The following TIAM1 variants were observed in gnomAD, a reference collection of about 807,000 sequenced individuals.
TIAM1 encodes the protein TIAM Rac1 associated GEF 1.
Under a neutral mutation model 163.5 loss-of-function variants are expected in TIAM1, and 65 were observed. The observed-to-expected ratio is 0.40, with a 90% CI of 0.33 to 0.49. The LOEUF (loss-of-function observed/expected upper bound fraction) is 0.49. Ranked by LOEUF, TIAM1 falls within the 20% of genes least tolerant of loss-of-function variation. The probability of loss-of-function intolerance (pLI) is 0.77; values close to 1 mark genes in which losing one functional copy is unlikely to be tolerated. For missense variants in TIAM1, 1,789 were observed against 2,044.7 expected, an observed-to-expected ratio of 0.87 and a Z score of 2.41; for synonymous variants, 833 against 810.1, an observed-to-expected ratio of 1.03 and a Z score of -0.48.
Position 31,210,664 on chromosome 21 carries a change from A to G in TIAM1, c.2218-449T>C, listed in dbSNP as rs1431027458. On this transcript the variant is annotated intron_variant, in intron 10 of 27. Coordinates refer to ENST00000541036, the MANE Select transcript of TIAM1 (RefSeq NM_001353694.2). Reference sequence around the variant, plus strand: ...AAGAAAGAAAGAAAGAAAGAAAGAAAGAAAAAGAAAGAAAGAAAGAAAAAG... The same window carrying G: ...AAGAAAGAAAGAAAGAAAGAAAGAAGGAAAAAGAAAGAAAGAAAGAAAAAG... 5.5e-3 allele frequency among the ~76,000 whole-genome samples: 108 copies of G among 19,704 alleles called. 1 individual carries two copies. The highest frequency in any genetic ancestry group is 0.026 in the African/African-American group (100 of 3,820). The allele number at this position is 19,704 out of a possible 152,430, so 12.9% of individuals were successfully genotyped here.
chr21:31,392,570 CAAAAAAAAAAAAAA>C (rs61454127), intron 2 of TIAM1, among the ~76,000 whole-genome samples: 3 of 84,886 alleles, frequency 3.5e-5, no homozygotes, highest in African/African-American at 1.4e-4. Context: ...AACTCTGTCT[CAAAAAAAAAAAAAA>C]AAAAAAAAAG....
intron 6 of TIAM1, among the ~76,000 whole-genome samples, chr21:31,243,991 G>C (rs1261131684): frequency 2.0e-5 from 3 of 152,182 alleles, no homozygotes; most frequent in African/African-American, 7.2e-5. Context: ...TTGTGAGTGG[G>C]GTGGGGTTGG....
chr21:31,197,414 C>T (rs1204932756), intron 12 of TIAM1, among the ~76,000 whole-genome samples: 3 of 147,136 alleles, frequency 2.0e-5, no homozygotes, highest in East Asian at 2.0e-4. Context: ...CTCGCTCTGT[C>T]GCCCAGGCTG....
chr21:31,256,249 C>T (rs1038702738), intron 4 of TIAM1, among the ~76,000 whole-genome samples: 8 of 152,082 alleles, frequency 5.3e-5, no homozygotes, highest in African/African-American at 1.9e-4. Context: ...TAATGATGTG[C>T]GAACACAATT....
chr21:31,474,847 A>G (rs2045879671), intron 1 of TIAM1, among the ~76,000 whole-genome samples: 1 of 151,756 alleles, frequency 6.6e-6, no homozygotes, highest in African/African-American at 2.4e-5. Context: ...GCCAACCTTT[A>G]GCCTTTATTA....
At chr21:31,221,369 G>C (rs1356486942) in intron 8 of TIAM1, among the ~76,000 whole-genome samples, 2 of 152,192 alleles carry the variant, frequency 1.3e-5, no homozygotes, top group Non-Finnish European at 2.9e-5. Context: ...ACAGAGAGTT[G>C]AACGTATGGA....
At chr21:31,520,824 C>T (rs972486248) in intron 1 of TIAM1, among the ~76,000 whole-genome samples, 1 of 152,216 alleles carries the variant, frequency 6.6e-6, no homozygotes, top group Non-Finnish European at 1.5e-5. Flanking sequence ...GGGTCAGAAG[C>T]TGAATTCAAG....
At chr21:31,431,030 T>C (rs1008360151) in intron 2 of TIAM1, among the ~76,000 whole-genome samples, 1 of 152,110 alleles carries the variant, frequency 6.6e-6, no homozygotes, top group African/African-American at 2.4e-5. Flanking sequence ...ATAATGACAA[T>C]AATAATAATT....
intron 2 of TIAM1, among the ~76,000 whole-genome samples, chr21:31,385,012 GC>G (rs2076841646): frequency 6.6e-6 from 1 of 152,162 alleles, no homozygotes; most frequent in African/African-American, 2.4e-5. Flanking sequence ...GGAGGTGGGG[GC>G]TAGTGGGAGG....
At chr21:31,556,923 AG>A (rs2123342281) in intron 1 of TIAM1, among the ~76,000 whole-genome samples, 1 of 152,336 alleles carries the variant, frequency 6.6e-6, no homozygotes, top group East Asian at 1.9e-4. Context: ...AAACTTCTTC[AG>A]CTACAAGGCA....
chr21:31,476,899 G>A (rs2045951069), intron 1 of TIAM1, among the ~76,000 whole-genome samples: 1 of 152,082 alleles, frequency 6.6e-6, no homozygotes, highest in Non-Finnish European at 1.5e-5. Flanking sequence ...AACCCTTCTG[G>A]GCTGGAACAT....
chr21:31,304,229 C>T (rs1222067517), intron 2 of TIAM1, among the ~76,000 whole-genome samples: 1 of 152,112 alleles, frequency 6.6e-6, no homozygotes, highest in Non-Finnish European at 1.5e-5. Flanking sequence ...GGTTTCCTAT[C>T]TAAGTTAGTA....
chr21:31,149,678 T>C (rs544331671), intron 19 of TIAM1, among the ~76,000 whole-genome samples: 70 of 152,354 alleles, frequency 4.6e-4, no homozygotes, highest in African/African-American at 1.6e-3. Flanking sequence ...TTTTAAAGTA[T>C]GTCTATAACC....
intron 2 of TIAM1, among the ~76,000 whole-genome samples, chr21:31,318,384 C>G (rs1383729141): frequency 1.3e-5 from 2 of 152,186 alleles, no homozygotes; most frequent in Non-Finnish European, 2.9e-5. Context: ...GGATTACAGG[C>G]GTGAGCCACC....
intron 2 of TIAM1, among the ~76,000 whole-genome samples, chr21:31,336,192 C>A (rs965754646): frequency 1.3e-5 from 2 of 152,210 alleles, no homozygotes; most frequent in Admixed American, 1.3e-4. Flanking sequence ...AGCGCACTGA[C>A]TCTGCTGGGA....
chr21:31,410,086 A>AGTGTGT (rs201591169), intron 2 of TIAM1, among the ~76,000 whole-genome samples: 1 of 138,670 alleles, frequency 7.2e-6, no homozygotes, highest in Non-Finnish European at 1.5e-5. Context: ...AGGGCGTAGC[A>AGTGTGT]GTGTGTGTGT....
rs1335485673 is a variant in TIAM1 at position 31,223,471 on chromosome 21, T to C, written c.1930A>G (p.Ser644Gly). 1.9e-6 allele frequency: 3 copies of C among 1,614,036 alleles called. No homozygotes were observed. The highest frequency in any genetic ancestry group is 2.2e-5 in the South Asian group (2 of 91,042). ...PNPKRLLAFASRPTKVAMGRL... is the reference protein window; with the variant it reads ...PNPKRLLAFAGRPTKVAMGRL... ...CCCATGGCCACTTTCGTTGGTCGAC[T>C]TGCAAAAGCGAGAAGCCTTTTGGGG... The change falls in exon 8 of 28, where the codon AGT becomes GGT. Residue 644 changes from serine to glycine, a missense_variant. By Grantham distance (56) the Ser-to-Gly change is moderately conservative. Transcript: ENST00000541036.
intron 2 of TIAM1, among the ~76,000 whole-genome samples, chr21:31,366,654 T>C (rs1382377376): frequency 6.6e-6 from 1 of 152,192 alleles, no homozygotes; most frequent in Admixed American, 6.5e-5. Context: ...TCTTGCTCTG[T>C]CACCCAGGCT....
intron 1 of TIAM1, among the ~76,000 whole-genome samples, chr21:31,515,429 C>A (rs908015785): frequency 6.6e-6 from 1 of 152,132 alleles, no homozygotes; most frequent in African/African-American, 2.4e-5. Context: ...ACAAGCCCTC[C>A]GGGGGTGTTG....
Sources: allele counts gnomAD v4.1 joint callset (sites outside exome capture counted in the v4.1 genomes callset), GRCh38; gene constraint gnomAD v4.1.1; transcripts MANE v1.5; gene names NCBI Gene and HGNC (gene_info 2026-07-23, HGNC 2026-07-21).